Variants in PBX1 observed in about 807,000 individuals in gnomAD.
PBX1 encodes pre-B-cell leukemia transcription factor 1.
Under a neutral mutation model 53.4 loss-of-function variants are expected in PBX1, and 6 were observed. The ratio of observed to expected loss-of-function variants is 0.11; its 90% CI spans 0.06 to 0.22. The LOEUF is 0.22. Ranked by LOEUF, PBX1 falls within the 10% of genes least tolerant of loss-of-function variation. PBX1 has a pLI of 1.00. For synonymous variants in PBX1, 204 were observed against 212.3 expected, an observed-to-expected ratio of 0.96 and a Z score of 0.34; for missense variants, 251 against 551.4, an observed-to-expected ratio of 0.46 and a Z score of 5.46.
rs372521428 is a variant in PBX1, at chr1:164,821,651, C to T, written c.1200+25C>T. ...TGTAAGAAAACAAGCCCCCCCACCC[C>T]CTGCTTTGTTTTTATTCTTTCACTA... On this transcript the variant is annotated intron_variant, in intron 8 of 8. Coordinates refer to ENST00000420696, the MANE Select transcript of PBX1 (RefSeq NM_002585.4). 104 of 1,581,926 alleles carry T rather than the reference C, an allele frequency of 6.6e-5. No homozygotes were observed. The Middle Eastern group carries it at 3.5e-3, about 53-fold the overall frequency.
intron 2 of PBX1, among the ~76,000 whole-genome samples, chr1:164,756,904 GA>G (rs978298466): frequency 2.0e-5 from 3 of 152,120 alleles, no homozygotes; most frequent in African/African-American, 4.8e-5. Context: ...TAGATAAGGA[GA>G]AAAAAATGTA....
intron 2 of PBX1, among the ~76,000 whole-genome samples, chr1:164,707,418 T>TGTGAGAGAGACAGAGAGAGA (rs58617739): frequency 8.5e-6 from 1 of 118,214 alleles, no homozygotes; most frequent in African/African-American, 3.8e-5. Context: ...TGTGTGTGTG[T>TGTGAGAGAGACAGAGAGAGA]GAGAGAGAGA....
At chr1:164,804,242 T>C (rs1177905764) in intron 4 of PBX1, among the ~76,000 whole-genome samples, 2 of 152,154 alleles carry the variant, frequency 1.3e-5, no homozygotes, top group African/African-American at 4.8e-5. Context: ...TTTGTGTAAG[T>C]ATTCCAAAGA....
intron 2 of PBX1, among the ~76,000 whole-genome samples, chr1:164,678,366 C>T (rs989037705): frequency 2.0e-5 from 3 of 152,204 alleles, no homozygotes; most frequent in African/African-American, 4.8e-5. Context: ...GCATAATCCT[C>T]CTCGGGTCTG....
rs542416330 is a variant in PBX1, at chr1:164,686,164, A to T, written c.266-106330A>T. On this transcript the variant is annotated intron_variant, in intron 2 of 8. Coordinates refer to ENST00000420696, the MANE Select transcript of PBX1 (RefSeq NM_002585.4). ...ATGAGGGGATATGTGTAAAGGCCTA[A>T]CACCCAGTAGGTGCTCACTAAATGA... Among the ~76,000 whole-genome samples the T allele has an allele frequency of 5.3e-5, 8 of 152,326 alleles. No homozygotes were observed. The South Asian group carries it at 1.4e-3, about 28-fold the overall frequency.
chr1:164,635,221 C>A (rs1385493268), intron 2 of PBX1, among the ~76,000 whole-genome samples: 1 of 152,062 alleles, frequency 6.6e-6, no homozygotes, highest in East Asian at 1.9e-4. Flanking sequence ...AGTTTATTTT[C>A]TTAATCCAAG....
intron 2 of PBX1, among the ~76,000 whole-genome samples, chr1:164,792,182 G>GCGCT (rs1300668296): frequency 4.6e-5 from 7 of 152,018 alleles, no homozygotes; most frequent in Non-Finnish European, 8.8e-5. Context: ...GTGAAATTCT[G>GCGCT]CGCTCATTAA....
At chr1:164,724,106 C>T (rs1368154723) in intron 2 of PBX1, among the ~76,000 whole-genome samples, 1 of 152,214 alleles carries the variant, frequency 6.6e-6, no homozygotes, top group African/African-American at 2.4e-5. Context: ...ATTTACCCTT[C>T]CCTGGCCCCA....
chr1:164,744,853 T>C (rs1665810890), intron 2 of PBX1, among the ~76,000 whole-genome samples: 1 of 152,084 alleles, frequency 6.6e-6, no homozygotes, highest in African/African-American at 2.4e-5. Flanking sequence ...GCTATTGGGC[T>C]CTCATCTTAT....
At chr1:164,578,843 T>A (rs964419680) in intron 2 of PBX1, among the ~76,000 whole-genome samples, 3 of 152,204 alleles carry the variant, frequency 2.0e-5, no homozygotes, top group African/African-American at 7.2e-5. Context: ...ATACTGGGCC[T>A]TCCTGCCTTT....
At chr1:164,661,629 G>A (rs111271433) in intron 2 of PBX1, among the ~76,000 whole-genome samples, 5,575 of 152,048 alleles carry the variant, frequency 0.037, 310 homozygotes, top group African/African-American at 0.12. Context: ...GTTTCACCAT[G>A]TTGGCCAGGC....
intron 2 of PBX1, chr1:164,590,222 A>AG: frequency 2.6e-6 from 1 of 387,448 alleles, no homozygotes. Flanking sequence ...GAAAAAAAAA[A>AG]AAGCTGGGGG....
intron 6 of PBX1, chr1:164,816,324 A>G (rs1469090413): frequency 6.6e-6 from 1 of 152,198 alleles, no homozygotes; most frequent in Non-Finnish European, 1.5e-5. Context: ...TTAAGCTTAC[A>G]TCTAGTAAAA....
chr1:164,652,764 A>T (rs1466332996), intron 2 of PBX1, among the ~76,000 whole-genome samples: 1 of 151,996 alleles, frequency 6.6e-6, no homozygotes, highest in Non-Finnish European at 1.5e-5. Flanking sequence ...AAGTAAATAT[A>T]CTCATGTAAC....
intron 1 of PBX1, among the ~76,000 whole-genome samples, chr1:164,561,699 A>G (rs190415563): frequency 2.0e-5 from 3 of 152,316 alleles, no homozygotes; most frequent in African/African-American, 7.2e-5. Context: ...AACTGTGGAC[A>G]AACAGGGCTT....
At chr1:164,715,204 A>G (rs1664017290) in intron 2 of PBX1, among the ~76,000 whole-genome samples, 3 of 152,212 alleles carry the variant, frequency 2.0e-5, no homozygotes, top group South Asian at 2.1e-4. Context: ...TCAGAATTAA[A>G]TGATTTTTCT....
intron 2 of PBX1, among the ~76,000 whole-genome samples, chr1:164,612,502 C>T (rs1242562683): frequency 2.0e-5 from 3 of 152,102 alleles, no homozygotes; most frequent in Non-Finnish European, 2.9e-5. Flanking sequence ...GACTTGGTGG[C>T]GGGAATAGAA....
intron 2 of PBX1, among the ~76,000 whole-genome samples, chr1:164,566,123 A>T (rs1653416966): frequency 6.6e-6 from 1 of 152,180 alleles, no homozygotes; most frequent in East Asian, 1.9e-4. Flanking sequence ...ACTGGCTAAG[A>T]TGTATTACCA....
At position 164,782,613 on chromosome 1, in the gene PBX1, C is replaced by A. The variant is rs867019039; in HGVS notation, c.266-9881C>A. Among the ~76,000 whole-genome samples, 5 of 152,254 alleles carry A rather than the reference C, an allele frequency of 3.3e-5. No individual in the cohort carries two copies. In the Middle Eastern group the frequency reaches 0.017, roughly 518 times the overall value. ...AAACTGGGAAATATTCCTGTGGGAG[C>A]AAAATGTTCTTTATTTCAAACTTAG... On this transcript the variant is annotated intron_variant, in intron 2 of 8. Transcript: ENST00000420696.
Sources: allele counts gnomAD v4.1 joint callset (sites outside exome capture counted in the v4.1 genomes callset), GRCh38; gene constraint gnomAD v4.1.1; transcripts MANE v1.5; gene names NCBI Gene and HGNC (gene_info 2026-07-23, HGNC 2026-07-21).